Variants in BANK1 observed in about 807,000 individuals in gnomAD.
BANK1 encodes the protein B-cell scaffold protein with ankyrin repeats.
BANK1 carries 95 observed loss-of-function variants against 94.5 expected under a neutral mutation model. That is an observed-to-expected ratio of 1.00 (90% CI 0.85 to 1.19). BANK1 has a LOEUF of 1.19. BANK1 is among the 50% of genes most tolerant of loss of function. BANK1 has a pLI of 0.00. For synonymous variants in BANK1, 334 were observed against 308.4 expected, an observed-to-expected ratio of 1.08 and a Z score of -0.87; for missense variants, 987 against 932.2, an observed-to-expected ratio of 1.06 and a Z score of -0.77.
At chr4:101,865,570 G>A (rs1728038698) in intron 4 of BANK1, among the ~76,000 whole-genome samples, 1 of 152,072 alleles carries the variant, frequency 6.6e-6, no homozygotes, top group South Asian at 2.1e-4. Context: ...CATTCCAGCT[G>A]GGAAAGGACA....
chr4:101,924,741 C>T (rs1723100431), intron 7 of BANK1, among the ~76,000 whole-genome samples: 2 of 151,710 alleles, frequency 1.3e-5, no homozygotes. Context: ...TAAAATTCAA[C>T]AAAATAGAGG....
At chr4:101,958,853 G>A (rs1724463516) in intron 7 of BANK1, among the ~76,000 whole-genome samples, 1 of 152,160 alleles carries the variant, frequency 6.6e-6, no homozygotes, top group Non-Finnish European at 1.5e-5. Flanking sequence ...CTGAATGACA[G>A]TGCAGGTATT....
chr4:101,796,170 TGAG>T (rs1725149377), intron 1 of BANK1, among the ~76,000 whole-genome samples: 4 of 152,180 alleles, frequency 2.6e-5, no homozygotes, highest in African/African-American at 9.6e-5. Context: ...ATGAAAAAAC[TGAG>T]GAGACCGAAA....
chr4:101,986,835 A>G (rs958794189), intron 7 of BANK1, among the ~76,000 whole-genome samples: 9 of 106,556 alleles, frequency 8.4e-5, no homozygotes, highest in African/African-American at 3.4e-4. Flanking sequence ...ATATATATGT[A>G]TATATATGTG....
intron 7 of BANK1, among the ~76,000 whole-genome samples, chr4:102,002,375 A>G (rs1411042064): frequency 1.3e-5 from 2 of 152,086 alleles, no homozygotes; most frequent in Non-Finnish European, 2.9e-5. Flanking sequence ...AAAAAAAAAA[A>G]GAGGTAACAA....
At chr4:101,930,838 A>T (rs1723313776) in intron 7 of BANK1, among the ~76,000 whole-genome samples, 1 of 151,466 alleles carries the variant, frequency 6.6e-6, no homozygotes, top group Non-Finnish European at 1.5e-5. Context: ...GGCACACTTA[A>T]CCATTTTTAG....
At chr4:101,836,421 C>T (rs10016325) in intron 2 of BANK1, among the ~76,000 whole-genome samples, 1 of 151,958 alleles carries the variant, frequency 6.6e-6, no homozygotes, top group Non-Finnish European at 1.5e-5. Flanking sequence ...CAGAGGCTGC[C>T]GTGAGCCCAG....
rs565027714 is a variant in BANK1 at position 101,904,907 on chromosome 4, T to C, written c.1009+9497T>C. 3.3e-5 allele frequency among the ~76,000 whole-genome samples: 5 copies of C among 152,372 alleles called. No individual in the cohort carries two copies. The South Asian group carries it at 1.0e-3, about 32-fold the overall frequency. On this transcript the variant is annotated intron_variant, in intron 6 of 16. Coordinates refer to ENST00000322953, the MANE Select transcript of BANK1 (RefSeq NM_017935.5). Reference sequence around the variant, plus strand: ...GAGAAATGATTGAAATGTCCACTCCTGTATCTACCAAACCTTTAAATTTCT... The same window carrying C: ...GAGAAATGATTGAAATGTCCACTCCCGTATCTACCAAACCTTTAAATTTCT...
intron 1 of BANK1, among the ~76,000 whole-genome samples, chr4:101,819,392 G>A (rs1458768387): frequency 1.3e-5 from 2 of 152,094 alleles, no homozygotes; most frequent in African/African-American, 2.4e-5. Flanking sequence ...AAATTAGGGT[G>A]CAGTCTATGA....
intron 6 of BANK1, among the ~76,000 whole-genome samples, chr4:101,900,803 T>C (rs970843821): frequency 2.6e-5 from 4 of 152,138 alleles, no homozygotes; most frequent in Non-Finnish European, 5.9e-5. Context: ...GTATTAAGTA[T>C]ATAAGTCAAA....
At position 101,881,341 on chromosome 4, in the gene BANK1, T is replaced by C. The variant is rs549393106; in HGVS notation, c.903+10697T>C. Among the ~76,000 whole-genome samples the C allele has an allele frequency of 2.6e-4, 40 of 152,210 alleles. 1 individual carries two copies. The highest frequency in any genetic ancestry group is 9.4e-4 in the African/African-American group (39 of 41,550). On this transcript the variant is annotated intron_variant, in intron 5 of 16. Transcript: ENST00000322953. ...GCATACAAAAAGGTGCTTAACATCATTAATCATTAGAGAAGTGCAAATCAA... is the reference window on the plus strand; with the variant it reads ...GCATACAAAAAGGTGCTTAACATCACTAATCATTAGAGAAGTGCAAATCAA...
chr4:101,818,302 A>G (rs2148857734), intron 1 of BANK1, among the ~76,000 whole-genome samples: 1 of 152,308 alleles, frequency 6.6e-6, no homozygotes, highest in Middle Eastern at 3.4e-3. Flanking sequence ...ATCCGTTTAT[A>G]GTTTACATAG....
At chr4:101,964,473 G>A (rs1578424673) in intron 7 of BANK1, among the ~76,000 whole-genome samples, 1 of 151,610 alleles carries the variant, frequency 6.6e-6, no homozygotes, top group South Asian at 2.1e-4. Context: ...GTCCTACTTT[G>A]GGAAAAAAAG....
intron 7 of BANK1, among the ~76,000 whole-genome samples, chr4:101,989,782 C>T (rs561176237): frequency 3.9e-4 from 60 of 152,246 alleles, no homozygotes; most frequent in African/African-American, 1.2e-3. Context: ...ATGCCAGAGA[C>T]GTGATGTCAT....
At chr4:101,798,662 G>A (rs1012338134) in intron 1 of BANK1, among the ~76,000 whole-genome samples, 6 of 152,164 alleles carry the variant, frequency 3.9e-5, no homozygotes, top group African/African-American at 1.4e-4. Flanking sequence ...TCTAACTGGT[G>A]TGAGATGGTA....
intron 7 of BANK1, among the ~76,000 whole-genome samples, chr4:101,958,464 CTTTTTTTTTTT>C (rs35066662): frequency 9.0e-6 from 1 of 110,732 alleles, no homozygotes; most frequent in Non-Finnish European, 1.8e-5. Flanking sequence ...GCCCCCCATG[CTTTTTTTTTTT>C]TTTTTTTTCT....
chr4:101,809,860 C>A (rs1725683118), intron 1 of BANK1, among the ~76,000 whole-genome samples: 1 of 152,142 alleles, frequency 6.6e-6, no homozygotes, highest in Non-Finnish European at 1.5e-5. Flanking sequence ...GTAGACAGAA[C>A]AATGGTACCT....
In BANK1 at chr4:102,032,897, T is replaced by TAA. The variant is rs60615473; in HGVS notation, c.1900+2643_1900+2644dup. Among the ~76,000 whole-genome samples the TAA allele has an allele frequency of 1.9e-3, 282 of 145,174 alleles. 5 individuals are homozygous for TAA. In the East Asian group the frequency reaches 0.037, roughly 19 times the overall value. On this transcript the variant is annotated intron_variant, in intron 10 of 16. Coordinates refer to ENST00000322953, the MANE Select transcript of BANK1 (RefSeq NM_017935.5). The stretch of plus-strand genomic sequence containing the variant: ...GAGACTCCATCAAAAAATATAAAAA[T>TAA]AAAAAAAAAAAATGAAGCACCAAAT...
At chr4:102,007,992 T>C (rs1384840309) in intron 7 of BANK1, among the ~76,000 whole-genome samples, 2 of 152,140 alleles carry the variant, frequency 1.3e-5, no homozygotes, top group Non-Finnish European at 2.9e-5. Context: ...ATTTATAGAG[T>C]AGAAGAACTT....
Sources: allele counts gnomAD v4.1 joint callset (sites outside exome capture counted in the v4.1 genomes callset), GRCh38; gene constraint gnomAD v4.1.1; transcripts MANE v1.5; gene names NCBI Gene and HGNC (gene_info 2026-07-23, HGNC 2026-07-21).